The following EBF1 variants were observed in gnomAD, a reference collection of about 807,000 sequenced individuals.
The protein encoded by EBF1 is transcription factor COE1.
EBF1 carries 10 observed loss-of-function variants against 68.4 expected under a neutral mutation model. That is an observed-to-expected ratio of 0.15 (90% CI 0.09 to 0.25). The LOEUF (loss-of-function observed/expected upper bound fraction) is 0.25, where lower values mean the gene tolerates loss of function less well. Among genes scored for constraint, EBF1 ranks in the 10% least tolerant of loss-of-function variants. The pLI is 1.00. For missense variants in EBF1, 509 were observed against 794.4 expected (o/e 0.64, Z 4.32); for synonymous variants, 298 against 299.8 (o/e 0.99, Z 0.06).
At chr5:158,803,785 T>C (rs1781062060) in intron 8 of EBF1, among the ~76,000 whole-genome samples, 1 of 152,020 alleles carries the variant, frequency 6.6e-6, no homozygotes, top group South Asian at 2.1e-4. Context: ...TGCCTTACTT[T>C]ATTTTCTTCA....
chr5:158,795,050 A>G (rs1409040732), intron 9 of EBF1, among the ~76,000 whole-genome samples: 1 of 152,186 alleles, frequency 6.6e-6, no homozygotes, highest in East Asian at 1.9e-4. Flanking sequence ...CAGCAGCACA[A>G]GCTAGCAAGG....
intron 6 of EBF1, among the ~76,000 whole-genome samples, chr5:158,941,464 A>C (rs570954264): frequency 5.3e-5 from 8 of 152,270 alleles, no homozygotes; most frequent in Admixed American, 5.2e-4. Context: ...CACACTCTAT[A>C]GGGGCACACG....
At chr5:158,984,681 C>CTTTTTTTTTTTTTTTTTTTTTTTTTT (rs869234197) in intron 6 of EBF1, 1 of 99,896 alleles carries the variant, frequency 1.0e-5, no homozygotes. Flanking sequence ...TGCTTTCTTC[C>CTTTTTTTTTTTTTTTTTTTTTTTTTT]TTTTTTTTTT....
chr5:158,963,762 A>G (rs1489182958), intron 6 of EBF1, among the ~76,000 whole-genome samples: 5 of 152,208 alleles, frequency 3.3e-5, no homozygotes, highest in Admixed American at 3.3e-4. Context: ...ATATCTAACG[A>G]AAGAGTGTTG....
chr5:158,721,283 A>G (rs999763199), intron 11 of EBF1, among the ~76,000 whole-genome samples: 8 of 152,196 alleles, frequency 5.3e-5, no homozygotes, highest in African/African-American at 1.9e-4. Flanking sequence ...AAAACATGGT[A>G]TAGGAGACTC....
intron 8 of EBF1, among the ~76,000 whole-genome samples, chr5:158,804,832 T>C (rs1042154909): frequency 1.3e-5 from 2 of 152,162 alleles, no homozygotes; most frequent in East Asian, 3.9e-4. Flanking sequence ...CATCAGTTCT[T>C]TGGGTTTCTT....
intron 15 of EBF1, 129 bp from the exon 16 acceptor site, chr5:158,699,271 G>C (rs1756257052): frequency 5.9e-6 from 5 of 852,710 alleles, no homozygotes; most frequent in Non-Finnish European, 8.8e-6. Context: ...CCACAAATTT[G>C]CTCTCATCTT....
intron 6 of EBF1, among the ~76,000 whole-genome samples, chr5:158,962,950 C>T (rs1753319831): frequency 6.6e-6 from 1 of 152,242 alleles, no homozygotes; most frequent in African/African-American, 2.4e-5. Flanking sequence ...TCCTATAACA[C>T]TGCCCTATAG....
intron 10 of EBF1, among the ~76,000 whole-genome samples, chr5:158,744,209 A>G (rs1348586736): frequency 6.6e-6 from 1 of 151,998 alleles, no homozygotes; most frequent in African/African-American, 2.4e-5. Flanking sequence ...TCTATCAGGA[A>G]CACCAATATA....
chr5:158,796,366 A>G lies in EBF1; in HGVS notation c.888T>C (p.Gly296=). ...CTACCTCACTCCAGACCAGCATGGT[A>G]CCGAATATGACCTGTAACCCATCAA... is the stretch of plus-strand genomic sequence containing the variant. The part of the protein sequence containing the change: ...NFFDGLQVIF[G]TMLVWSELIT... Residue 296 remains glycine (G), a synonymous_variant, in exon 9 of 16, where the codon GGT becomes GGC. Transcript: ENST00000313708. 1 of 1,613,308 alleles carries G rather than the reference A, an allele frequency of 6.2e-7. No homozygotes were observed. Among genetic ancestry groups the G allele is most frequent in the Non-Finnish European group, 8.5e-7 (1 of 1,179,494 alleles).
intron 6 of EBF1, chr5:158,984,845 G>C (rs137936251): frequency 6.6e-6 from 1 of 151,612 alleles, no homozygotes; most frequent in African/African-American, 2.4e-5. Flanking sequence ...CACCACGCCC[G>C]GCTAATTTTT....
intron 10 of EBF1, among the ~76,000 whole-genome samples, chr5:158,736,888 G>T (rs538035845): frequency 6.6e-6 from 1 of 152,288 alleles, no homozygotes; most frequent in East Asian, 1.9e-4. Context: ...CCAGAAACCT[G>T]AACAAGGCCA....
Position 158,813,623 on chromosome 5 carries a change from G to C in EBF1, c.778+9553C>G, listed in dbSNP as rs534538475. On this transcript the variant is annotated intron_variant, in intron 8 of 15. Transcript: ENST00000313708. Reference sequence around the variant, plus strand: ...TCAAGACATAAAAGAACCTCTCACAGAATTAGCTGGGTTCAAAAAACAAAT... The same window carrying C: ...TCAAGACATAAAAGAACCTCTCACACAATTAGCTGGGTTCAAAAAACAAAT... Among the ~76,000 whole-genome samples the C allele has an allele frequency of 5.7e-4, 87 of 152,266 alleles. 1 individual carries two copies. The highest frequency in any genetic ancestry group is 2.0e-3 in the African/African-American group (83 of 41,542).
intron 6 of EBF1, among the ~76,000 whole-genome samples, chr5:158,928,526 T>C (rs895570035): frequency 1.3e-5 from 2 of 152,176 alleles, no homozygotes; most frequent in African/African-American, 4.8e-5. Flanking sequence ...GCTATAACAC[T>C]GTCAGGCTTA....
chr5:158,967,572 T>C (rs1308943423), intron 6 of EBF1, among the ~76,000 whole-genome samples: 1 of 152,178 alleles, frequency 6.6e-6, no homozygotes, highest in Non-Finnish European at 1.5e-5. Flanking sequence ...CAGAGAGTTA[T>C]GTAGTTGCTC....
At chr5:158,737,791 CAAAGAGCCTAGGAGGATGAAA>C (rs1765532946) in intron 10 of EBF1, among the ~76,000 whole-genome samples, 4 of 152,018 alleles carry the variant, frequency 2.6e-5, no homozygotes, top group Non-Finnish European at 5.9e-5. Context: ...AACTGAAAAG[CAAAGAGCCTAGGAGGATGAAA>C]CAAAGCAGGG....
At chr5:158,838,515 T>C (rs975012536) in intron 7 of EBF1, among the ~76,000 whole-genome samples, 5 of 147,986 alleles carry the variant, frequency 3.4e-5, no homozygotes, top group Admixed American at 2.7e-4. Context: ...AGCCAAAAGG[T>C]GGTGAAGCCA....
At chr5:158,932,968 T>C (rs1583274610) in intron 6 of EBF1, among the ~76,000 whole-genome samples, 2 of 152,338 alleles carry the variant, frequency 1.3e-5, no homozygotes, top group African/African-American at 4.8e-5. Flanking sequence ...TTTACTCACT[T>C]TACAGAGTGA....
chr5:158,977,948 G>A (rs944752467), intron 6 of EBF1, among the ~76,000 whole-genome samples: 9 of 152,090 alleles, frequency 5.9e-5, no homozygotes, highest in Admixed American at 3.3e-4. Context: ...AAGTGAAAAC[G>A]CCAACCCTGT....
Sources: allele counts gnomAD v4.1 joint callset (sites outside exome capture counted in the v4.1 genomes callset), GRCh38; gene constraint gnomAD v4.1.1; transcripts MANE v1.5; gene names NCBI Gene and HGNC (gene_info 2026-07-23, HGNC 2026-07-21).